SLC45A4: variants seen among roughly 807,000 people sequenced by gnomAD.
SLC45A4 encodes solute carrier family 45 member 4.
Under a neutral mutation model 63.7 loss-of-function variants are expected in SLC45A4, and 32 were observed. That is an observed-to-expected ratio of 0.50 (90% CI 0.38 to 0.67). The LOEUF (loss-of-function observed/expected upper bound fraction) is 0.67. Ranked by LOEUF, SLC45A4 falls within the 30% of genes least tolerant of loss-of-function variation. The pLI, the probability that SLC45A4 is intolerant of heterozygous loss-of-function variation, is 0.00. For synonymous variants in SLC45A4, 535 were observed against 510.0 expected (o/e 1.05, Z -0.66); for missense variants, 1,027 against 1,157.7 (o/e 0.89, Z 1.64).
chr8:141,267,888 C>T (rs750940527), intron 1 of SLC45A4, among the ~76,000 whole-genome samples: 28 of 151,862 alleles, frequency 1.8e-4, no homozygotes, highest in Non-Finnish European at 2.8e-4. Flanking sequence ...GCAACCACTT[C>T]GAAAGACGGT....
rs973240738 is a variant in SLC45A4 at position 141,229,439 on chromosome 8, CG to C, written c.242-7675del. Among the ~76,000 whole-genome samples, 8 of 152,126 alleles carry C rather than the reference CG, an allele frequency of 5.3e-5. No homozygotes were observed. The highest frequency in any genetic ancestry group is 1.2e-4 in the Non-Finnish European group (8 of 68,028). ...TCTAGAAAACACCAGGCTCACATCC[CG>C]CTCAGAACCTCAGCCACGGCCACTG... On this transcript the variant is annotated intron_variant, in intron 2 of 8. Transcript: ENST00000517878. This position sits in a 1 kb window ranked among gnomAD's most constrained non-coding sequence, Gnocchi z 5.0.
At chr8:141,267,473 G>A (rs1829319599) in intron 1 of SLC45A4, among the ~76,000 whole-genome samples, 1 of 152,248 alleles carries the variant, frequency 6.6e-6, no homozygotes, top group South Asian at 2.1e-4. Flanking sequence ...ACAGTGCCAG[G>A]GAATTGCATT....
Position 141,219,747 on chromosome 8 carries a change from G to A in SLC45A4, c.513C>T (p.Ser171=), listed in dbSNP as rs777791646. ...TVLGVVVLDF[S]ADATEGPIRA... The stretch of plus-strand genomic sequence containing the variant: ...GGATGGGCCCCTCGGTGGCATCGGC[G>A]CTGAAGTCCAGGACCACCACTCCCA... Residue 171 remains serine, a synonymous_variant, in exon 4 of 9, where the codon AGC becomes AGT. Coordinates refer to ENST00000517878, the MANE Select transcript of SLC45A4 (RefSeq NM_001286646.2). 42 of 1,603,558 alleles carry A rather than the reference G, an allele frequency of 2.6e-5. No homozygotes were observed. Among genetic ancestry groups the A allele is most frequent in the Admixed American group, 5.1e-5 (3 of 58,812 alleles).
intron 1 of SLC45A4, among the ~76,000 whole-genome samples, chr8:141,274,169 C>T (rs1346264310): frequency 1.3e-5 from 2 of 151,666 alleles, no homozygotes; most frequent in Admixed American, 6.6e-5. Flanking sequence ...ACAGAGTTTA[C>T]AGTGAGCCGA....
intron 1 of SLC45A4, among the ~76,000 whole-genome samples, chr8:141,269,436 G>A (rs960244116): frequency 6.6e-6 from 1 of 151,640 alleles, no homozygotes; most frequent in Non-Finnish European, 1.5e-5. Context: ...GAGGCCAGGT[G>A]TATGTGTGTC....
intron 1 of SLC45A4, among the ~76,000 whole-genome samples, chr8:141,297,369 G>C (rs1259327111): frequency 6.6e-6 from 1 of 152,226 alleles, no homozygotes; most frequent in African/African-American, 2.4e-5. Context: ...AGCCGAAGCA[G>C]AACTGTGTGG....
At chr8:141,239,673 A>C (rs1175381522) in intron 2 of SLC45A4, among the ~76,000 whole-genome samples, 1 of 152,200 alleles carries the variant, frequency 6.6e-6, no homozygotes, top group East Asian at 1.9e-4. Flanking sequence ...AATTCTTGCC[A>C]AAGATGTGTT....
chr8:141,231,415 G>GA (rs1827341276), intron 2 of SLC45A4, among the ~76,000 whole-genome samples: 1 of 152,222 alleles, frequency 6.6e-6, no homozygotes, highest in African/African-American at 2.4e-5. Flanking sequence ...CCCTGGACCA[G>GA]ATGACCAGCT....
intron 2 of SLC45A4, among the ~76,000 whole-genome samples, chr8:141,234,404 G>A (rs891124953): frequency 4.6e-5 from 7 of 152,236 alleles, no homozygotes; most frequent in Non-Finnish European, 8.8e-5. Flanking sequence ...GGCCAGTGTG[G>A]AAGAAGGGCG....
In SLC45A4 at chr8:141,217,092, G is replaced by A. The variant is rs760978875; in HGVS notation, c.1727C>T (p.Ser576Leu). The change falls in exon 6 of 9, where the codon TCA becomes TTA. Residue 576 changes from serine (S) to leucine (L), a missense_variant and splice_region_variant. Ser to Leu is a moderately radical substitution (Grantham distance 145, BLOSUM62 -2). Transcript: ENST00000517878. The part of the protein sequence containing the change: ...VIYAATGAIC[S>L]ALLQKYLDNY... ...GACCTGACTTGGGGAGCTCTTACCT[G>A]AACAAATAGCACCAGTGGCGGCATA... is the stretch of plus-strand genomic sequence containing the variant. The A allele has an allele frequency of 1.2e-6, 2 of 1,613,852 alleles. No individual in the cohort carries two copies. The highest frequency in any genetic ancestry group is 1.7e-6 in the Non-Finnish European group (2 of 1,179,952).
At chr8:141,282,283 A>G (rs990472664) in intron 1 of SLC45A4, among the ~76,000 whole-genome samples, 3 of 152,192 alleles carry the variant, frequency 2.0e-5, no homozygotes, top group Admixed American at 1.3e-4. Context: ...CCGACCTGAC[A>G]CTATGCTCCT....
intron 6 of SLC45A4, among the ~76,000 whole-genome samples, chr8:141,216,312 C>T (rs927374013): frequency 2.0e-5 from 3 of 152,220 alleles, no homozygotes; most frequent in Non-Finnish European, 1.5e-5. Context: ...ACACCCAGGA[C>T]GATTTCTTCT....
At chr8:141,226,003 C>CGCT (rs1488886284) in intron 2 of SLC45A4, 4 of 153,294 alleles carry the variant, frequency 2.6e-5, no homozygotes, top group African/African-American at 9.6e-5. Flanking sequence ...CTGACTCCCA[C>CGCT]TAACTCACCC....
chr8:141,220,461 G>A lies in SLC45A4; in HGVS notation c.431-632C>T, dbSNP rs75333079. On this transcript the variant is annotated intron_variant, in intron 3 of 8. Coordinates refer to ENST00000517878, the MANE Select transcript of SLC45A4 (RefSeq NM_001286646.2). Reference sequence around the variant, plus strand: ...TGCAGTGGGCTGCCGGCACTCAAAAGCAGTCCCACCCATGTCCCTCCTGCC... The same window carrying A: ...TGCAGTGGGCTGCCGGCACTCAAAAACAGTCCCACCCATGTCCCTCCTGCC... 3.3e-3 allele frequency among the ~76,000 whole-genome samples: 502 copies of A among 152,278 alleles called. 1 individual carries two copies. The highest frequency in any genetic ancestry group is 0.011 in the African/African-American group (468 of 41,562).
chr8:141,259,550 G>C (rs1828966582), intron 1 of SLC45A4, among the ~76,000 whole-genome samples: 1 of 152,082 alleles, frequency 6.6e-6, no homozygotes, highest in Admixed American at 6.5e-5. Context: ...CTCCTCCCGT[G>C]CATCTCCTCT....
At chr8:141,303,502 T>C (rs1830812371) in intron 1 of SLC45A4, among the ~76,000 whole-genome samples, 1 of 152,174 alleles carries the variant, frequency 6.6e-6, no homozygotes, top group Admixed American at 6.5e-5. Flanking sequence ...CCACCACACC[T>C]GACCAGGTAA....
At position 141,208,114 on chromosome 8, in the gene SLC45A4, A is replaced by G. The variant is rs1214982470; in HGVS notation, c.*3458T>C. 3 of 152,272 alleles carry G rather than the reference A, an allele frequency of 2.0e-5. No homozygotes were observed. The highest frequency in any genetic ancestry group is 7.2e-5 in the African/African-American group (3 of 41,462). The allele number at this position is 152,272 out of a possible 1,614,324, so 9.4% of individuals were successfully genotyped here. ...GGCTAAAGCTGGACCAAAGTTAAGAAGCGAAACAGCGTGGGAAAAGGTGTC... is the reference window on the plus strand; with the variant it reads ...GGCTAAAGCTGGACCAAAGTTAAGAGGCGAAACAGCGTGGGAAAAGGTGTC... On this transcript the variant is annotated 3_prime_UTR_variant, in exon 9 of 9. Transcript: ENST00000517878.
At chr8:141,297,279 G>C (rs898195642) in intron 1 of SLC45A4, among the ~76,000 whole-genome samples, 7 of 152,020 alleles carry the variant, frequency 4.6e-5, no homozygotes, top group Admixed American at 1.3e-4. Context: ...CCCGGTGGGC[G>C]CCGGGCACTC....
rs201000877 is a variant in SLC45A4, at chr8:141,217,089, C to T, written c.1729+1G>A. On this transcript the variant is annotated splice_donor_variant, in intron 6 of 8. Transcript: ENST00000517878. LOFTEE classifies it high-confidence loss of function. ...GCTGACCTGACTTGGGGAGCTCTTA[C>T]CTGAACAAATAGCACCAGTGGCGGC... 1.2e-6 allele frequency: 2 copies of T among 1,613,880 alleles called. No homozygotes were observed. The highest frequency in any genetic ancestry group is 1.3e-5 in the African/African-American group (1 of 75,052).
Sources: gnomAD v4.1 joint callset for allele counts (sites outside exome capture counted in the v4.1 genomes callset) on GRCh38, gnomAD v4.1.1 for gene constraint, Gnocchi (gnomAD v3.1) non-coding constraint, MANE v1.5 for transcripts, NCBI Gene and HGNC (gene_info 2026-07-23, HGNC 2026-07-21) for gene names.